The following SLC2A13 variants were observed in gnomAD, a reference collection of about 807,000 sequenced individuals.
SLC2A13 encodes solute carrier family 2 member 13, also known as proton myo-inositol cotransporter.
Under a neutral mutation model 64.4 loss-of-function variants are expected in SLC2A13, and 32 were observed. That is an observed-to-expected ratio of 0.50 (90% CI 0.37 to 0.67). SLC2A13 has a LOEUF of 0.67. Among genes scored for constraint, SLC2A13 ranks in the 30% least tolerant of loss-of-function variants. The pLI, the probability that SLC2A13 is intolerant of heterozygous loss-of-function variation, is 0.00. For missense variants in SLC2A13, 743 were observed against 829.2 expected, an observed-to-expected ratio of 0.90 and a Z score of 1.28; for synonymous variants, 338 against 327.1, an observed-to-expected ratio of 1.03 and a Z score of -0.36.
At chr12:39,852,803 C>T (rs1943505551) in intron 6 of SLC2A13, among the ~76,000 whole-genome samples, 1 of 152,158 alleles carries the variant, frequency 6.6e-6, no homozygotes, top group Non-Finnish European at 1.5e-5. Flanking sequence ...GTTGTGACCT[C>T]GTCTTCATTT....
intron 7 of SLC2A13, among the ~76,000 whole-genome samples, chr12:39,811,535 C>G (rs1265379931): frequency 6.6e-6 from 1 of 152,068 alleles, no homozygotes; most frequent in Non-Finnish European, 1.5e-5. Flanking sequence ...AAAACATTTT[C>G]TAATTACCTT....
chr12:39,970,259 C>T (rs1235355157), intron 3 of SLC2A13, among the ~76,000 whole-genome samples: 1 of 152,150 alleles, frequency 6.6e-6, no homozygotes, highest in Non-Finnish European at 1.5e-5. Flanking sequence ...GTTCTTTTGG[C>T]TTAGGATTGA....
chr12:39,968,802 A>ATATATC (rs1565567379), intron 3 of SLC2A13, among the ~76,000 whole-genome samples: 42 of 130,376 alleles, frequency 3.2e-4, no homozygotes, highest in African/African-American at 1.3e-3. Context: ...ATATATATAT[A>ATATATC]TATATCTACA....
In SLC2A13 at chr12:39,760,234, G is replaced by T; in HGVS notation, c.1739C>A (p.Ala580Asp). The T allele has an allele frequency of 3.1e-6, 5 of 1,612,090 alleles. No homozygotes were observed. The highest frequency in any genetic ancestry group is 4.2e-6 in the Non-Finnish European group (5 of 1,178,880). ...LTYYGAFFLY[A>D]GFAAVGLLFI... is the part of the protein sequence containing the mutation. ...AAGGAGTCCCACAGCAGCAAATCCA[G>T]CATAGAGGAAGAAAGCTCCTGCAAC... The change falls in exon 10 of 10, where the codon GCT becomes GAT. Residue 580 changes from alanine to aspartate, a missense_variant. Ala to Asp is a moderately radical substitution (Grantham distance 126). Transcript: ENST00000280871.
At chr12:40,021,294 G>A (rs943283780) in intron 3 of SLC2A13, among the ~76,000 whole-genome samples, 15 of 152,156 alleles carry the variant, frequency 9.9e-5, no homozygotes, top group Non-Finnish European at 2.1e-4. Context: ...TAAAATCCAA[G>A]AATGATTCCA....
intron 4 of SLC2A13, among the ~76,000 whole-genome samples, chr12:39,899,090 G>A (rs1032638454): frequency 2.0e-5 from 3 of 151,928 alleles, no homozygotes; most frequent in East Asian, 3.9e-4. Flanking sequence ...GGTAGAATTC[G>A]GCTGTGAATC....
intron 6 of SLC2A13, among the ~76,000 whole-genome samples, chr12:39,854,053 T>C (rs1489069527): frequency 6.6e-6 from 1 of 152,052 alleles, no homozygotes; most frequent in Non-Finnish European, 1.5e-5. Flanking sequence ...TAACTGATAC[T>C]TAGCATTTCC....
intron 7 of SLC2A13, among the ~76,000 whole-genome samples, chr12:39,770,079 T>C (rs887110877): frequency 2.0e-5 from 3 of 152,236 alleles, no homozygotes; most frequent in East Asian, 1.9e-4. Flanking sequence ...CTGACCTATA[T>C]GTATTCATTG....
At chr12:40,050,815 C>A (rs1376640426) in intron 1 of SLC2A13, among the ~76,000 whole-genome samples, 2 of 152,172 alleles carry the variant, frequency 1.3e-5, no homozygotes, top group East Asian at 3.9e-4. Flanking sequence ...TGCCACTTAT[C>A]AGCTGGTTAA....
intron 4 of SLC2A13, among the ~76,000 whole-genome samples, chr12:39,892,387 G>A (rs558437190): frequency 3.9e-5 from 6 of 152,272 alleles, no homozygotes; most frequent in East Asian, 3.9e-4. Flanking sequence ...TGTCTGGCCC[G>A]GCCACAGGAC....
rs544107081 is a variant in SLC2A13 at position 39,984,472 on chromosome 12, A to G, written c.926-33107T>C. Reference sequence around the variant, plus strand: ...TTCATTTAACTTTTGTTTTTACCCAATTTAAGTGTAAATTCCTGGTACCAA... The same window carrying G: ...TTCATTTAACTTTTGTTTTTACCCAGTTTAAGTGTAAATTCCTGGTACCAA... On this transcript the variant is annotated intron_variant, in intron 3 of 9. Transcript: ENST00000280871. Among the ~76,000 whole-genome samples the G allele has an allele frequency of 7.2e-5, 11 of 152,268 alleles. No homozygotes were observed. The South Asian group carries it at 2.3e-3, about 32-fold the overall frequency.
intron 2 of SLC2A13, among the ~76,000 whole-genome samples, chr12:40,043,417 G>T (rs1948126123): frequency 6.6e-6 from 1 of 151,992 alleles, no homozygotes; most frequent in African/African-American, 2.4e-5. Flanking sequence ...CTCACTTGAG[G>T]TCAGGAGTTT....
intron 2 of SLC2A13, among the ~76,000 whole-genome samples, chr12:40,042,852 C>G (rs971727282): frequency 6.7e-6 from 1 of 149,008 alleles, no homozygotes; most frequent in Non-Finnish European, 1.5e-5. Flanking sequence ...GACAAAGGAA[C>G]AGAGTTTCCA....
chr12:39,973,461 A>G (rs762410477), intron 3 of SLC2A13, among the ~76,000 whole-genome samples: 12 of 152,192 alleles, frequency 7.9e-5, no homozygotes, highest in Non-Finnish European at 1.8e-4. Flanking sequence ...GGGGTTCCTC[A>G]TGGATGTTTT....
At chr12:39,897,313 A>G (rs1944950241) in intron 4 of SLC2A13, among the ~76,000 whole-genome samples, 1 of 152,198 alleles carries the variant, frequency 6.6e-6, no homozygotes, top group Admixed American at 6.6e-5. Context: ...AGACTATCTG[A>G]AAGATAAGCT....
At chr12:40,086,654 T>C (rs778880197) in intron 1 of SLC2A13, among the ~76,000 whole-genome samples, 2 of 152,142 alleles carry the variant, frequency 1.3e-5, no homozygotes, top group Non-Finnish European at 2.9e-5. Context: ...CAGTTACAAA[T>C]ACGAGAAGAA....
At position 39,895,784 on chromosome 12, in the gene SLC2A13, ACG is replaced by A. The variant is rs1357243116; in HGVS notation, c.1035-23825_1035-23824del. On this transcript the variant is annotated intron_variant, in intron 4 of 9. Coordinates refer to ENST00000280871, the MANE Select transcript of SLC2A13 (RefSeq NM_052885.4). ...CGTACACACATGTATATGCGTGTAT[ACG>A]TACACACATGTATATGCGTGTATAC... 2.4e-5 allele frequency among the ~76,000 whole-genome samples: 2 copies of A among 83,466 alleles called. 1 individual carries two copies. The highest frequency in any genetic ancestry group is 5.0e-5 in the Non-Finnish European group (2 of 40,152). 54.8% of individuals were successfully genotyped at this position (83,466 alleles called of 152,430 possible).
intron 1 of SLC2A13, among the ~76,000 whole-genome samples, chr12:40,097,857 C>T (rs542562278): frequency 2.0e-5 from 3 of 152,034 alleles, no homozygotes; most frequent in Non-Finnish European, 4.4e-5. Flanking sequence ...CATGGTCCAG[C>T]AATCTCAATT....
At chr12:39,787,590 C>T (rs1306442760) in intron 7 of SLC2A13, among the ~76,000 whole-genome samples, 1 of 152,074 alleles carries the variant, frequency 6.6e-6, no homozygotes, top group Non-Finnish European at 1.5e-5. Flanking sequence ...CCTCTTCAGT[C>T]CCTATTGAAA....
Sources: allele counts gnomAD v4.1 joint callset (sites outside exome capture counted in the v4.1 genomes callset), GRCh38; gene constraint gnomAD v4.1.1; transcripts MANE v1.5; gene names NCBI Gene and HGNC (gene_info 2026-07-23, HGNC 2026-07-21).